RCAN1: variants seen among roughly 807,000 people sequenced by gnomAD.
The protein encoded by RCAN1 is regulator of calcineurin 1.
RCAN1 carries 11 observed loss-of-function variants against 22.9 expected under a neutral mutation model. That is an observed-to-expected ratio of 0.48 (90% CI 0.30 to 0.79). The LOEUF (loss-of-function observed/expected upper bound fraction) is 0.79, where lower values mean the gene tolerates loss of function less well. Ranked by LOEUF, RCAN1 falls within the 30% of genes least tolerant of loss-of-function variation. The probability of loss-of-function intolerance (pLI) is 0.06; values close to 1 mark genes in which losing one functional copy is unlikely to be tolerated. For missense variants in RCAN1, 291 were observed against 337.8 expected (o/e 0.86, Z 1.09); for synonymous variants, 136 against 142.3 (o/e 0.96, Z 0.32).
At chr21:34,537,361 G>A (rs932871324) in intron 1 of RCAN1, among the ~76,000 whole-genome samples, 2 of 152,194 alleles carry the variant, frequency 1.3e-5, no homozygotes, top group South Asian at 2.1e-4. Flanking sequence ...TTTTCTCCTG[G>A]TGAACTGTAG....
At chr21:34,526,276 A>C (rs2298345) in intron 1 of RCAN1, among the ~76,000 whole-genome samples, 12 of 152,194 alleles carry the variant, frequency 7.9e-5, no homozygotes, top group Admixed American at 6.5e-5. Context: ...ATATCTTTAT[A>C]ACATTTATTT....
intron 1 of RCAN1, among the ~76,000 whole-genome samples, chr21:34,601,166 A>T (rs1988327616): frequency 6.6e-6 from 1 of 152,240 alleles, no homozygotes. Context: ...TGTGGCAGGC[A>T]CTGTCCCAGG....
In RCAN1 at chr21:34,518,792, C is replaced by T. The variant is rs1168933392; in HGVS notation, c.587-536G>A. On this transcript the variant is annotated intron_variant, in intron 3 of 3. Coordinates refer to ENST00000313806, the MANE Select transcript of RCAN1 (RefSeq NM_004414.7). This position sits in a 1 kb window ranked among gnomAD's most constrained non-coding sequence, Gnocchi z 4.2. ...GCTCTGGAAACGTTTTTGACCTGGG[C>T]ATCTTTTCCTTAGAACAACTTCTAA... 1.3e-5 allele frequency among the ~76,000 whole-genome samples: 2 copies of T among 152,212 alleles called. No homozygotes were observed. Among genetic ancestry groups the T allele is most frequent in the Admixed American group, 1.3e-4 (2 of 15,288 alleles).
chr21:34,571,509 C>T (rs1478210214), intron 1 of RCAN1, among the ~76,000 whole-genome samples: 4 of 152,078 alleles, frequency 2.6e-5, no homozygotes, highest in African/African-American at 9.7e-5. Context: ...AGCAAATTTC[C>T]CTAACAGTGT....
chr21:34,548,045 C>T (rs1473113562), intron 1 of RCAN1, among the ~76,000 whole-genome samples: 1 of 152,096 alleles, frequency 6.6e-6, no homozygotes, highest in African/African-American at 2.4e-5. Context: ...AGGAATCAAC[C>T]ATGCTGGCAG....
intron 1 of RCAN1, among the ~76,000 whole-genome samples, chr21:34,552,358 T>C (rs1041433471): frequency 2.6e-5 from 4 of 152,120 alleles, no homozygotes; most frequent in Admixed American, 6.5e-5. Context: ...CTGGGAGGCA[T>C]TGGTCTAAGG....
At chr21:34,552,179 T>C (rs1028101909) in intron 1 of RCAN1, among the ~76,000 whole-genome samples, 94 of 152,322 alleles carry the variant, frequency 6.2e-4, no homozygotes, top group African/African-American at 2.1e-3. Flanking sequence ...CCTTTAGGGT[T>C]TGGCTTCTTG....
At chr21:34,583,149 G>C (rs1172964843) in intron 1 of RCAN1, among the ~76,000 whole-genome samples, 1 of 149,838 alleles carries the variant, frequency 6.7e-6, no homozygotes, top group Non-Finnish European at 1.5e-5. Context: ...CAGTACCGTA[G>C]AACTGGACTA....
chr21:34,533,432 G>T (rs1213752568), intron 1 of RCAN1, among the ~76,000 whole-genome samples: 2 of 152,020 alleles, frequency 1.3e-5, no homozygotes, highest in Non-Finnish European at 2.9e-5. Context: ...CCCACTTTAA[G>T]TAAATAAAAG....
chr21:34,571,712 T>C (rs1987239074), intron 1 of RCAN1, among the ~76,000 whole-genome samples: 3 of 152,154 alleles, frequency 2.0e-5, no homozygotes, highest in Admixed American at 2.0e-4. Flanking sequence ...TGTGCCACCA[T>C]GCCTGGCTAA....
At chr21:34,581,251 G>A (rs1987597506) in intron 1 of RCAN1, among the ~76,000 whole-genome samples, 1 of 152,100 alleles carries the variant, frequency 6.6e-6, no homozygotes, top group Admixed American at 6.6e-5. Flanking sequence ...GCTGTTTCTA[G>A]GGTCCAATCC....
intron 1 of RCAN1, among the ~76,000 whole-genome samples, chr21:34,550,355 G>A (rs888494509): frequency 6.6e-6 from 1 of 152,178 alleles, no homozygotes; most frequent in African/African-American, 2.4e-5. Flanking sequence ...AAATACATAT[G>A]TTGAGTCCTA....
rs1020800613 is a variant in RCAN1 at position 34,531,050 on chromosome 21, G to A, written c.253-7340C>T. Reference sequence around the variant, plus strand: ...TCTTTACCACTTTGTGGTCTAAAAGGCATTATTAACTAAGGAGAAGGTTCT... The same window carrying A: ...TCTTTACCACTTTGTGGTCTAAAAGACATTATTAACTAAGGAGAAGGTTCT... On this transcript the variant is annotated intron_variant, in intron 1 of 3. Coordinates refer to ENST00000313806, the MANE Select transcript of RCAN1 (RefSeq NM_004414.7). Among the ~76,000 whole-genome samples the A allele has an allele frequency of 2.6e-5, 4 of 152,150 alleles. No individual in the cohort carries two copies. In the South Asian group the frequency reaches 6.2e-4, roughly 24 times the overall value.
intron 1 of RCAN1, among the ~76,000 whole-genome samples, chr21:34,527,152 C>A (rs1985116911): frequency 6.6e-6 from 1 of 152,172 alleles, no homozygotes; most frequent in African/African-American, 2.4e-5. Context: ...AGACAACACG[C>A]TCCTCGGCCG....
intron 1 of RCAN1, among the ~76,000 whole-genome samples, chr21:34,589,319 T>C (rs915083594): frequency 6.6e-6 from 1 of 152,238 alleles, no homozygotes; most frequent in Admixed American, 6.5e-5. Context: ...TAGGCTTCAG[T>C]TGTGAAAAAG....
intron 1 of RCAN1, among the ~76,000 whole-genome samples, chr21:34,604,224 G>A (rs879857152): frequency 7.9e-5 from 12 of 152,084 alleles, no homozygotes; most frequent in African/African-American, 1.4e-4. Context: ...TCCGCCTCCC[G>A]GGTTCAAGCG....
chr21:34,614,209 C>G lies in RCAN1; in HGVS notation c.252+551G>C, dbSNP rs1162960306. The G allele has an allele frequency of 6.3e-5, 62 of 977,808 alleles. No individual in the cohort carries two copies. The highest frequency in any genetic ancestry group is 1.8e-5 in the Non-Finnish European group (15 of 817,542). The allele number at this position is 977,808 out of a possible 1,614,324, so 60.6% of individuals were successfully genotyped here. ...TATCCTAAAGGTCTGAAAGATGGTC[C>G]CCTTCCCCCCAACACAATTCCACCA... On this transcript the variant is annotated intron_variant, in intron 1 of 3. Transcript: ENST00000313806. The surrounding 1 kb of genome is among the most constrained non-coding windows in gnomAD (Gnocchi z 6.0).
At chr21:34,531,181 C>T (rs574105244) in intron 1 of RCAN1, among the ~76,000 whole-genome samples, 14 of 152,332 alleles carry the variant, frequency 9.2e-5, no homozygotes, top group Admixed American at 2.6e-4. Flanking sequence ...ACACAGGTGG[C>T]GGCTAAAGCA....
chr21:34,533,202 T>C (rs1398363598), intron 1 of RCAN1, among the ~76,000 whole-genome samples: 5 of 152,108 alleles, frequency 3.3e-5, no homozygotes, highest in African/African-American at 9.7e-5. Context: ...CCTCATGATC[T>C]GCCTGCGTTG....
Sources: gnomAD v4.1 joint callset for allele counts (sites outside exome capture counted in the v4.1 genomes callset) on GRCh38, gnomAD v4.1.1 for gene constraint, Gnocchi (gnomAD v3.1) non-coding constraint, MANE v1.5 for transcripts, NCBI Gene and HGNC (gene_info 2026-07-23, HGNC 2026-07-21) for gene names.